The following NUP210 variants were observed in gnomAD, a reference collection of about 807,000 sequenced individuals.
NUP210 encodes nuclear pore membrane glycoprotein 210.
In NUP210, 151 loss-of-function variants were observed where a neutral mutation model predicts 196.0. The ratio of observed to expected loss-of-function variants is 0.77; its 90% CI spans 0.67 to 0.88. NUP210 has a LOEUF of 0.88. NUP210 is among the 40% of genes least tolerant of loss of function. NUP210 has a pLI of 0.00. For synonymous variants in NUP210, 1,070 were observed against 1,052.7 expected, an observed-to-expected ratio of 1.02 and a Z score of -0.32; for missense variants, 2,314 against 2,493.7, an observed-to-expected ratio of 0.93 and a Z score of 1.53.
At position 13,379,065 on chromosome 3, in the gene NUP210, C is replaced by A. The variant is rs1699017580; in HGVS notation, c.977-85G>T. ...TTTCAGCTTGGCTCAGAATCCTGAT[C>A]ATCAAGACATCACATGGAGAGAAGA... is the stretch of plus-strand genomic sequence containing the variant. On this transcript the variant is annotated intron_variant, in intron 7 of 39. Coordinates refer to ENST00000254508, the MANE Select transcript of NUP210 (RefSeq NM_024923.4). This position sits in a 1 kb window ranked among gnomAD's most constrained non-coding sequence, Gnocchi z 4.2. The A allele has an allele frequency of 1.8e-6, 2 of 1,082,324 alleles. No homozygotes were observed. The highest frequency in any genetic ancestry group is 1.4e-6 in the Non-Finnish European group (1 of 697,688). The allele number at this position is 1,082,324 out of a possible 1,614,324, so 67.0% of individuals were successfully genotyped here.
At chr3:13,389,787 G>A (rs1222392399) in intron 4 of NUP210, among the ~76,000 whole-genome samples, 1 of 152,190 alleles carries the variant, frequency 6.6e-6, no homozygotes, top group African/African-American at 2.4e-5. Context: ...CCCTGACAAA[G>A]GACTTATAAT....
At chr3:13,411,872 C>A (rs746664572) in intron 1 of NUP210, among the ~76,000 whole-genome samples, 6 of 152,234 alleles carry the variant, frequency 3.9e-5, no homozygotes, top group Non-Finnish European at 8.8e-5. Context: ...TCCCAGGTAG[C>A]TGGCATTATA....
At chr3:13,373,935 G>A in intron 11 of NUP210, 62 bp from the exon 12 acceptor site, 1 of 1,584,472 alleles carries the variant, frequency 6.3e-7, no homozygotes, top group Non-Finnish European at 8.6e-7. Flanking sequence ...GGAAGTCAGA[G>A]GGTCAGAGAC....
At chr3:13,358,851 C>T (rs890960116) in intron 15 of NUP210, among the ~76,000 whole-genome samples, 8 of 152,244 alleles carry the variant, frequency 5.3e-5, no homozygotes, top group South Asian at 2.1e-4. Flanking sequence ...TGCAGGACAA[C>T]GCCCAGGAGG....
At chr3:13,407,799 T>C (rs985953181) in intron 1 of NUP210, among the ~76,000 whole-genome samples, 5 of 152,168 alleles carry the variant, frequency 3.3e-5, no homozygotes, top group Admixed American at 2.0e-4. Flanking sequence ...ATCCACTTAT[T>C]GAAACCATAA....
rs1559300880 is a variant in NUP210 at position 13,317,800 on chromosome 3, C to T, written c.5564-19G>A. The T allele has an allele frequency of 4.5e-6, 7 of 1,554,594 alleles. No homozygotes were observed. Among genetic ancestry groups the T allele is most frequent in the African/African-American group, 4.1e-5 (3 of 73,842 alleles). Reference sequence around the variant, plus strand: ...GCGAAATCTAGGGTGGGAAGAGAGACGATGTTAGCAGCAGAGCCAGGGAAA... The same window carrying T: ...GCGAAATCTAGGGTGGGAAGAGAGATGATGTTAGCAGCAGAGCCAGGGAAA... On this transcript the variant is annotated intron_variant, in intron 39 of 39. Coordinates refer to ENST00000254508, the MANE Select transcript of NUP210 (RefSeq NM_024923.4).
At position 13,317,619 on chromosome 3, in the gene NUP210, G is replaced by A. The variant is rs902052503; in HGVS notation, c.*62C>T. 2 of 1,220,692 alleles carry A rather than the reference G, an allele frequency of 1.6e-6. No homozygotes were observed. Among genetic ancestry groups the A allele is most frequent in the South Asian group, 1.3e-5 (1 of 77,726 alleles). The allele number at this position is 1,220,692 out of a possible 1,614,324, so 75.6% of individuals were successfully genotyped here. A position where few individuals can be genotyped will look rare whatever the true frequency, so the allele number is the denominator to read the frequency against. The stretch of plus-strand genomic sequence containing the variant: ...GTTCCAGTGTGAATGCAGCAGGGAT[G>A]TTCCATCTTGGGGGTGCACGAGGCT... On this transcript the variant is annotated 3_prime_UTR_variant, in exon 40 of 40. Coordinates refer to ENST00000254508, the MANE Select transcript of NUP210 (RefSeq NM_024923.4).
chr3:13,354,408 T>C, intron 16 of NUP210: 1 of 397,714 alleles, frequency 2.5e-6, no homozygotes, highest in Non-Finnish European at 4.7e-6. Flanking sequence ...GGGTTGCCAC[T>C]GGCATCTACT....
Position 13,330,468 on chromosome 3 carries a change from C to T in NUP210, c.4102G>A (p.Ala1368Thr). The T allele has an allele frequency of 6.2e-7, 1 of 1,613,906 alleles. No individual in the cohort carries two copies. The highest frequency in any genetic ancestry group is 8.5e-7 in the Non-Finnish European group (1 of 1,179,878). ...PFGANQTIIV[A>T]VKVSPVSYLR... is the part of the protein sequence containing the mutation. ...GGAGAATGCAACCCTACCTTTACAG[C>T]AACAATGATGGTTTGGTTGGCCCCA... Residue 1368 changes from alanine to threonine, a missense_variant, in exon 30 of 40, where the codon GCT becomes ACT. Coordinates refer to ENST00000254508, the MANE Select transcript of NUP210 (RefSeq NM_024923.4).
chr3:13,369,690 G>C (rs1022479580), intron 13 of NUP210, among the ~76,000 whole-genome samples: 3 of 152,234 alleles, frequency 2.0e-5, no homozygotes, highest in Non-Finnish European at 2.9e-5. Context: ...CCATTGGACA[G>C]TCTTGGCACC....
At chr3:13,318,963 C>T in intron 39 of NUP210, 109 bp downstream of exon 39, 3 of 1,104,636 alleles carry the variant, frequency 2.7e-6, no homozygotes, top group Non-Finnish European at 3.8e-6. Flanking sequence ...TCCTTTGGCC[C>T]AGGCAAGGGC....
intron 2 of NUP210, among the ~76,000 whole-genome samples, chr3:13,398,971 T>TA (rs1700935006): frequency 1.3e-5 from 2 of 151,848 alleles, no homozygotes; most frequent in Non-Finnish European, 1.5e-5. Context: ...TATTCAGCAT[T>TA]AAAAATCACT....
chr3:13,373,903 C>T, intron 11 of NUP210, 30 bp from the exon 12 acceptor site: 1 of 1,608,722 alleles, frequency 6.2e-7, no homozygotes, highest in Non-Finnish European at 8.5e-7. Context: ...ACAGGACCAG[C>T]CACCCACCCT....
intron 13 of NUP210, among the ~76,000 whole-genome samples, chr3:13,369,399 T>C (rs894977649): frequency 6.6e-6 from 1 of 152,222 alleles, no homozygotes. Context: ...TGTCCTTTGA[T>C]ATATAGAACT....
At position 13,384,205 on chromosome 3, in the gene NUP210, C is replaced by T. The variant is rs542651391; in HGVS notation, c.817+2070G>A. Among the ~76,000 whole-genome samples, 16 of 152,328 alleles carry T rather than the reference C, an allele frequency of 1.1e-4. No individual in the cohort carries two copies. The South Asian group carries it at 3.3e-3, about 32-fold the overall frequency. ...CTCGAACCCCTGACCTCGTGATCCG[C>T]CCGCCTCAGCCTCCCAAAGTGCTGG... On this transcript the variant is annotated intron_variant, in intron 6 of 39. Transcript: ENST00000254508.
In NUP210 at chr3:13,347,722, C is replaced by T. The variant is rs778811676; in HGVS notation, c.2835+4157G>A. Among the ~76,000 whole-genome samples the T allele has an allele frequency of 2.3e-4, 35 of 152,194 alleles. No individual in the cohort carries two copies. Among genetic ancestry groups the T allele is most frequent in the Admixed American group, 4.6e-4 (7 of 15,282 alleles). On this transcript the variant is annotated intron_variant, in intron 20 of 39. Coordinates refer to ENST00000254508, the MANE Select transcript of NUP210 (RefSeq NM_024923.4). This position sits in a 1 kb window ranked among gnomAD's most constrained non-coding sequence, Gnocchi z 4.7. ...GGGCTTGTCTATCTCTGTGCTGCTG[C>T]TCTGCAGCTGGAAAAAGCCACAGCC... is the stretch of plus-strand genomic sequence containing the variant.
chr3:13,418,948 CAAAAAA>C (rs112826426), intron 1 of NUP210, among the ~76,000 whole-genome samples: 111 of 52,506 alleles, frequency 2.1e-3, no homozygotes, highest in African/African-American at 5.5e-3. Flanking sequence ...AACTCCGTCT[CAAAAAA>C]AAAAAAAAAA....
chr3:13,374,546 T>A (rs1204981151), intron 11 of NUP210, among the ~76,000 whole-genome samples: 1 of 152,126 alleles, frequency 6.6e-6, no homozygotes, highest in African/African-American at 2.4e-5. Flanking sequence ...TCTGTCCTCA[T>A]ATTCTGGGGA....
rs773242323 is a variant in NUP210 at position 13,323,468 on chromosome 3, G to A, written c.4645-36C>T. The A allele has an allele frequency of 3.0e-5, 48 of 1,611,748 alleles. No individual in the cohort carries two copies. Among genetic ancestry groups the A allele is most frequent in the Admixed American group, 2.7e-4 (16 of 59,786 alleles). Reference sequence around the variant, plus strand: ...AGCCAAGGAAGCTTCATGGAGCGCCGCCTGTGTCCCGGTCCATGCTGGGCG... The same window carrying A: ...AGCCAAGGAAGCTTCATGGAGCGCCACCTGTGTCCCGGTCCATGCTGGGCG... On this transcript the variant is annotated intron_variant, in intron 33 of 39. Transcript: ENST00000254508. The surrounding 1 kb of genome is among the most constrained non-coding windows in gnomAD (Gnocchi z 4.3).
Sources: allele counts gnomAD v4.1 joint callset (sites outside exome capture counted in the v4.1 genomes callset), GRCh38; gene constraint gnomAD v4.1.1; non-coding constraint Gnocchi (gnomAD v3.1); transcripts MANE v1.5; gene names NCBI Gene and HGNC (gene_info 2026-07-23, HGNC 2026-07-21).